MYO7A: variants seen among roughly 807,000 people sequenced by gnomAD.
MYO7A encodes myosin VIIA.
MYO7A carries 210 observed loss-of-function variants against 263.8 expected under a neutral mutation model. The observed-to-expected ratio is 0.80, with a 90% confidence interval of 0.71 to 0.89. The LOEUF is 0.89. Ranked by LOEUF, MYO7A falls within the 40% of genes least tolerant of loss-of-function variation. The pLI is 0.00. For synonymous variants in MYO7A, 1,239 were observed against 1,197.3 expected (o/e 1.03, Z -0.72); for missense variants, 2,820 against 2,968.3 (o/e 0.95, Z 1.16).
Position 77,177,027 on chromosome 11 carries a change from C to T in MYO7A, c.2188-522C>T, listed in dbSNP as rs75441767. Among the ~76,000 whole-genome samples, 384 of 152,154 alleles carry T rather than the reference C, an allele frequency of 2.5e-3. 2 individuals are homozygous for T. The highest frequency in any genetic ancestry group is 6.8e-3 in the Middle Eastern group (2 of 292). On this transcript the variant is annotated intron_variant, in intron 18 of 48. Coordinates refer to ENST00000409709, the MANE Select transcript of MYO7A (RefSeq NM_000260.4). ...AATGCCAGGGTGAGGAACCCAGGCT[C>T]GACGTGGGGAACCATGAGGTGTCAC...
intron 18 of MYO7A, among the ~76,000 whole-genome samples, chr11:77,176,770 C>T (rs1208935108): frequency 1.3e-5 from 2 of 152,180 alleles, no homozygotes; most frequent in Non-Finnish European, 2.9e-5. Flanking sequence ...GATTTGGCTC[C>T]CTCATGAGAC....
chr11:77,182,325 G>A lies in MYO7A; in HGVS notation c.3109-99G>A, dbSNP rs1214065585. 2.0e-5 allele frequency: 29 copies of A among 1,454,240 alleles called. No individual in the cohort carries two copies. In the South Asian group the frequency reaches 3.0e-4, roughly 15 times the overall value. 90.1% of individuals were successfully genotyped at this position (1,454,240 alleles called of 1,614,324 possible). On this transcript the variant is annotated intron_variant, in intron 24 of 48. Coordinates refer to ENST00000409709, the MANE Select transcript of MYO7A (RefSeq NM_000260.4). ...CCCAGCCTGAGGGCTGACCATGCGG[G>A]AGGGGGTGTCTCCAGCCCACTCCCC...
chr11:77,171,418 C>T (rs970867673), intron 15 of MYO7A, among the ~76,000 whole-genome samples: 6 of 152,270 alleles, frequency 3.9e-5, no homozygotes, highest in East Asian at 1.9e-4. Context: ...ACCACCCTAC[C>T]GCATTGCAAA....
Position 77,208,686 on chromosome 11 carries a change from C to T in MYO7A, c.5945-11C>T. The stretch of plus-strand genomic sequence containing the variant: ...GGGACCCTCTGGGTGACCGACTGCC[C>T]TGTGCTGCAGGAATTGTGCCCTCAC... On this transcript the variant is annotated splice_polypyrimidine_tract_variant and intron_variant, in intron 43 of 48. Transcript: ENST00000409709. 6.4e-7 allele frequency: 1 copy of T among 1,567,672 alleles called. No individual in the cohort carries two copies. The highest frequency in any genetic ancestry group is 8.7e-7 in the Non-Finnish European group (1 of 1,153,488).
chr11:77,141,836 T>C (rs181136508), intron 2 of MYO7A, among the ~76,000 whole-genome samples: 1 of 152,334 alleles, frequency 6.6e-6, no homozygotes, highest in African/African-American at 2.4e-5. Context: ...TTCTCCACCA[T>C]TGGCTTGTTT....
chr11:77,208,968 C>T, intron 44 of MYO7A, 165 bp downstream of exon 44: 1 of 617,538 alleles, frequency 1.6e-6, no homozygotes, highest in South Asian at 1.9e-5. Context: ...TGGCCCAACC[C>T]CTGATCCTTG....
intron 2 of MYO7A, among the ~76,000 whole-genome samples, chr11:77,137,741 C>T (rs1297242353): frequency 6.6e-6 from 1 of 152,096 alleles, no homozygotes; most frequent in Admixed American, 6.5e-5. Flanking sequence ...ACCAGGCCTC[C>T]AAGGCCTCTT....
intron 12 of MYO7A, among the ~76,000 whole-genome samples, chr11:77,161,586 T>C (rs1355748094): frequency 6.6e-6 from 1 of 152,152 alleles, no homozygotes; most frequent in East Asian, 1.9e-4. Context: ...TGGCAAGTCA[T>C]ATCAGTTCCC....
intron 9 of MYO7A, 28 bp downstream of exon 9, chr11:77,158,458 C>G (rs781961606): frequency 3.7e-6 from 6 of 1,604,726 alleles, no homozygotes; most frequent in African/African-American, 1.3e-5. Context: ...TCGCCCTGCC[C>G]CACCCCTGCG....
intron 38 of MYO7A, 102 bp from the exon 39 acceptor site, chr11:77,203,974 G>T: frequency 7.6e-7 from 1 of 1,321,154 alleles, no homozygotes; most frequent in Non-Finnish European, 1.0e-6. Context: ...AGGGCCCAGG[G>T]TCACAGCTTC....
intron 18 of MYO7A, among the ~76,000 whole-genome samples, chr11:77,176,375 G>A (rs1008806490): frequency 2.0e-5 from 3 of 152,228 alleles, no homozygotes; most frequent in African/African-American, 7.2e-5. Context: ...GCCAGGCCCT[G>A]GGTGGGTGCT....
chr11:77,162,851 A>G lies in MYO7A; in HGVS notation c.1555-2A>G. ...GCTCACAGCTGCCCCTCCACTCCCC[A>G]GGGCACAGACACCACCATGTTACAC... On this transcript the variant is annotated splice_acceptor_variant, in intron 13 of 48. Transcript: ENST00000409709. LOFTEE classifies it high-confidence loss of function. 1.2e-6 allele frequency: 2 copies of G among 1,613,366 alleles called. No individual in the cohort carries two copies. Among genetic ancestry groups the G allele is most frequent in the Non-Finnish European group, 1.7e-6 (2 of 1,179,602 alleles).
In MYO7A at chr11:77,162,196, C is replaced by T; in HGVS notation, c.1420C>T (p.Gln474Ter). The T allele has an allele frequency of 6.3e-7, 1 of 1,596,118 alleles. No individual in the cohort carries two copies. Among genetic ancestry groups the T allele is most frequent in the East Asian group, 2.3e-5 (1 of 44,306 alleles). The change falls in exon 13 of 49, where the codon CAG becomes TAG. Residue 474 changes from glutamine to a stop codon, truncating the protein, a stop_gained. Coordinates refer to ENST00000409709, the MANE Select transcript of MYO7A (RefSeq NM_000260.4). LOFTEE classifies it high-confidence loss of function. ...TGTGCGGCACGTGTTCAAGCTGGAG[C>T]AGGAGGAATATGACCTGGAGAGCAT... ...FFVRHVFKLE[Q>*]EEYDLESIDW...
In MYO7A at chr11:77,198,521, A is replaced by T; in HGVS notation, c.4468A>T (p.Ile1490Phe). Reference sequence around the variant, plus strand: ...CCCCAGTCTCCCCAAGAACGACGTCATCGTGGCCGTCAACTGGACGGGTGT... The same window carrying T: ...CCCCAGTCTCCCCAAGAACGACGTCTTCGTGGCCGTCAACTGGACGGGTGT... ...SGPSLPKNDVIVAVNWTGVYF... is the reference protein window; with the variant it reads ...SGPSLPKNDVFVAVNWTGVYF... The change falls in exon 34 of 49, where the codon ATC becomes TTC. Residue 1490 changes from isoleucine to phenylalanine, a missense_variant. Physicochemically the swap from Ile to Phe is conservative, Grantham distance 21. Coordinates refer to ENST00000409709, the MANE Select transcript of MYO7A (RefSeq NM_000260.4). 1 of 1,613,900 alleles carries T rather than the reference A, an allele frequency of 6.2e-7. No homozygotes were observed.
At chr11:77,135,998 T>A (rs920416272) in intron 2 of MYO7A, among the ~76,000 whole-genome samples, 12 of 152,252 alleles carry the variant, frequency 7.9e-5, no homozygotes, top group African/African-American at 2.9e-4. Context: ...CTCCTGCCTA[T>A]GCCCACTTTT....
At chr11:77,194,074 T>C (rs758277993) in intron 31 of MYO7A, 11 of 630,128 alleles carry the variant, frequency 1.7e-5, no homozygotes. Context: ...GCTTGTTTCT[T>C]TGCATCACTT....
chr11:77,159,365 C>T, intron 9 of MYO7A, 82 bp from the exon 10 acceptor site: 1 of 1,332,654 alleles, frequency 7.5e-7, no homozygotes, highest in South Asian at 1.2e-5. Flanking sequence ...GCAGGAGTGG[C>T]AGCCTAGTCC....
Position 77,175,396 on chromosome 11 carries a change from C to T in MYO7A, c.2119C>T (p.Arg707Cys), listed in dbSNP as rs190624231. ...GGGCGACCTCCGCGGGACTTGCCAG[C>T]GCATGGCTGAGGCTGTGCTGGGCAC... is the stretch of plus-strand genomic sequence containing the variant. ...KQGDLRGTCQ[R>C]MAEAVLGTHD... Residue 707 changes from arginine (R) to cysteine (C), a missense_variant, in exon 18 of 49, where the codon CGC becomes TGC. By Grantham distance (180) the Arg-to-Cys change is radical. Coordinates refer to ENST00000409709, the MANE Select transcript of MYO7A (RefSeq NM_000260.4). 53 of 1,613,258 alleles carry T rather than the reference C, an allele frequency of 3.3e-5. No individual in the cohort carries two copies. Among genetic ancestry groups the T allele is most frequent in the Non-Finnish European group, 4.1e-5 (48 of 1,179,866 alleles).
At chr11:77,201,409 G>A in intron 35 of MYO7A, 39 bp from the exon 36 acceptor site, 2 of 1,585,836 alleles carry the variant, frequency 1.3e-6, no homozygotes, top group South Asian at 1.1e-5. Context: ...AACTCAGCCT[G>A]TCTCTGCCCC....
Sources: allele counts gnomAD v4.1 joint callset (sites outside exome capture counted in the v4.1 genomes callset), GRCh38; gene constraint gnomAD v4.1.1; transcripts MANE v1.5; gene names NCBI Gene and HGNC (gene_info 2026-07-23, HGNC 2026-07-21).